Variants in OR51B5 observed in about 807,000 individuals in gnomAD.
OR51B5 encodes olfactory receptor family 51 subfamily B member 5, also known as olfactory receptor 51B5.
For missense variants in OR51B5, 456 were observed against 374.6 expected (o/e 1.22, Z -1.79); for synonymous variants, 186 against 144.8 (o/e 1.28, Z -2.04).
At chr11:5,349,140 G>A (rs1486024803) in intron 1 of OR51B5, among the ~76,000 whole-genome samples, 2 of 152,102 alleles carry the variant, frequency 1.3e-5, no homozygotes, top group Admixed American at 6.6e-5. Flanking sequence ...GCAGGGATGA[G>A]GCAAAGGTTT....
chr11:5,356,068 C>T (rs150113673), intron 1 of OR51B5, among the ~76,000 whole-genome samples: 56,752 of 150,696 alleles, frequency 0.38, 10,933 homozygotes, highest in Non-Finnish European at 0.4. Flanking sequence ...AATCAGAGTG[C>T]CTCTCCTCCT....
At chr11:5,359,558 G>T (rs1849248719) in intron 1 of OR51B5, among the ~76,000 whole-genome samples, 1 of 136,494 alleles carries the variant, frequency 7.3e-6, no homozygotes, top group Non-Finnish European at 1.6e-5. Flanking sequence ...CATGAAAATG[G>T]CCATACAGCC....
intron 1 of OR51B5, chr11:5,352,573 ATCAG>A: frequency 4.7e-6 from 3 of 638,096 alleles, no homozygotes; most frequent in South Asian, 3.9e-5. Context: ...TTCAGTGGAA[ATCAG>A]TCAATCCCTC....
At position 5,483,777 on chromosome 11, in the gene OR51B5, G is replaced by A. The variant is rs76003678; in HGVS notation, n.84+21792C>T. ...GGATGCCACCTGGGTTTTCCCACCT[G>A]CACATCACAGAAAGTCAATAAATAA... On this transcript the variant is annotated intron_variant and non_coding_transcript_variant, in intron 1 of 4. Coordinates refer to the OR51B5 transcript ENST00000415970. Among the ~76,000 whole-genome samples, 706 of 152,132 alleles carry A rather than the reference G, an allele frequency of 4.6e-3. 3 individuals carry two copies. Among genetic ancestry groups the A allele is most frequent in the Non-Finnish European group, 7.2e-3 (487 of 67,992 alleles).
chr11:5,472,458 C>T lies in OR51B5; in HGVS notation n.84+33111G>A, dbSNP rs542482806. On this transcript the variant is annotated intron_variant and non_coding_transcript_variant, in intron 1 of 4. Coordinates refer to the OR51B5 transcript ENST00000415970. Reference sequence around the variant, plus strand: ...CTGAAGGGAGAAATACCAAGTACTGCACACACTGCACACAGCCCCACTGCC... The same window carrying T: ...CTGAAGGGAGAAATACCAAGTACTGTACACACTGCACACAGCCCCACTGCC... 2.6e-5 allele frequency among the ~76,000 whole-genome samples: 4 copies of T among 152,186 alleles called. No homozygotes were observed. The East Asian group carries it at 7.7e-4, about 29-fold the overall frequency.
intron 1 of OR51B5, among the ~76,000 whole-genome samples, chr11:5,383,315 G>C (rs1783066785): frequency 6.6e-6 from 1 of 152,148 alleles, no homozygotes; most frequent in Non-Finnish European, 1.5e-5. Context: ...GGCTGGCAGA[G>C]ATGGAGGGCA....
chr11:5,353,326 T>C lies in OR51B5; in HGVS notation n.85-6416A>G, dbSNP rs184060713. 5.1e-3 allele frequency among the ~76,000 whole-genome samples: 774 copies of C among 152,298 alleles called. 4 individuals carry two copies. The highest frequency in any genetic ancestry group is 0.018 in the African/African-American group (747 of 41,548). On this transcript the variant is annotated intron_variant and non_coding_transcript_variant, in intron 1 of 4. Transcript: ENST00000415970. Reference sequence around the variant, plus strand: ...TTCAGATGACCATTGTCTTGATAGTTAATTCCAGTTACTACTGAACAGAGA... The same window carrying C: ...TTCAGATGACCATTGTCTTGATAGTCAATTCCAGTTACTACTGAACAGAGA...
chr11:5,388,651 T>C (rs148487385), intron 1 of OR51B5, among the ~76,000 whole-genome samples: 282 of 150,342 alleles, frequency 1.9e-3, no homozygotes, highest in African/African-American at 6.5e-3. Flanking sequence ...GGAGAGAAAA[T>C]AAGGTAGGGT....
rs532527393 is a variant in OR51B5 at position 5,468,998 on chromosome 11, C to T, written n.84+36571G>A. 1.1e-4 allele frequency: 36 copies of T among 336,282 alleles called. 1 individual carries two copies. In the East Asian group the frequency reaches 1.2e-3, roughly 11 times the overall value. The allele number at this position is 336,282 out of a possible 1,614,324, so 20.8% of individuals were successfully genotyped here. On this transcript the variant is annotated intron_variant and non_coding_transcript_variant, in intron 1 of 4. Coordinates refer to the OR51B5 transcript ENST00000415970. ...AATGGATATGCCATTGTGGGCCACA[C>T]GGACATCAGTGAGCACTGTGGCATA...
chr11:5,423,575 G>T (rs1056860415), intron 1 of OR51B5, among the ~76,000 whole-genome samples: 1 of 152,124 alleles, frequency 6.6e-6, no homozygotes, highest in Non-Finnish European at 1.5e-5. Context: ...TAGATCTTCT[G>T]TTCTGGGTCA....
intron 1 of OR51B5, chr11:5,355,005 G>C (rs1849166006): frequency 6.2e-6 from 1 of 160,716 alleles, no homozygotes; most frequent in Non-Finnish European, 1.4e-5. Context: ...TGCTCTGGGA[G>C]GATATCCACA....
At chr11:5,480,714 A>T (rs927928671) in intron 1 of OR51B5, among the ~76,000 whole-genome samples, 1 of 151,238 alleles carries the variant, frequency 6.6e-6, no homozygotes, top group Non-Finnish European at 1.5e-5. Context: ...CTACCATCAG[A>T]GAATACTACA....
At chr11:5,342,291 A>T (rs1374750434), downstream of OR51B5, among the ~76,000 whole-genome samples, 1 of 152,218 alleles carries the variant, frequency 6.6e-6, no homozygotes, top group African/African-American at 2.4e-5. Context: ...TGAAATAAAC[A>T]TATGTTAGTT....
chr11:5,376,987 G>C (rs2133713478), intron 1 of OR51B5, among the ~76,000 whole-genome samples: 1 of 152,160 alleles, frequency 6.6e-6, no homozygotes, highest in East Asian at 1.9e-4. Flanking sequence ...TAATACCAAA[G>C]CCAGAAAGAG....
chr11:5,502,324 C>T (rs1379058731), intron 1 of OR51B5, among the ~76,000 whole-genome samples: 1 of 152,178 alleles, frequency 6.6e-6, no homozygotes, highest in East Asian at 1.9e-4. Flanking sequence ...CTCTGTACTC[C>T]AGACCCACTG....
At chr11:5,364,040 A>G (rs1466333218) in intron 1 of OR51B5, among the ~76,000 whole-genome samples, 1 of 152,158 alleles carries the variant, frequency 6.6e-6, no homozygotes, top group African/African-American at 2.4e-5. Context: ...ATATTATGTG[A>G]TGTGGACCTC....
chr11:5,424,099 C>A (rs1183455042), intron 1 of OR51B5, among the ~76,000 whole-genome samples: 2 of 152,096 alleles, frequency 1.3e-5, no homozygotes, highest in Non-Finnish European at 1.5e-5. Flanking sequence ...GAAGGGACAA[C>A]TATAAATTTG....
intron 1 of OR51B5, among the ~76,000 whole-genome samples, chr11:5,384,399 CTCTT>C (rs1426104350): frequency 1.2e-3 from 184 of 152,302 alleles, no homozygotes; most frequent in African/African-American, 4.2e-3. Context: ...CTCACAGAAT[CTCTT>C]CTGATATTCT....
At chr11:5,435,425 T>C (rs1256950221) in intron 1 of OR51B5, among the ~76,000 whole-genome samples, 3 of 152,210 alleles carry the variant, frequency 2.0e-5, no homozygotes, top group Non-Finnish European at 2.9e-5. Context: ...TAAACATGTA[T>C]GTACTTGTGT....
Sources: gnomAD v4.1 joint callset for allele counts (sites outside exome capture counted in the v4.1 genomes callset) on GRCh38, gnomAD v4.1.1 for gene constraint, MANE v1.5 for transcripts, NCBI Gene and HGNC (gene_info 2026-07-23, HGNC 2026-07-21) for gene names.